The following ITPR2 variants were observed in gnomAD, a reference collection of about 807,000 sequenced individuals.
The protein encoded by ITPR2 is inositol 1,4,5-trisphosphate receptor type 2.
ITPR2 carries 207 observed loss-of-function variants against 317.1 expected under a neutral mutation model. The observed-to-expected ratio is 0.65, with a 90% CI of 0.58 to 0.73. The LOEUF (loss-of-function observed/expected upper bound fraction) is 0.73, where lower values mean the gene tolerates loss of function less well. Ranked by LOEUF, ITPR2 falls within the 30% of genes least tolerant of loss-of-function variation. The pLI is 0.00. For synonymous variants in ITPR2, 1,156 were observed against 1,149.1 expected (o/e 1.01, Z -0.12); for missense variants, 2,613 against 3,284.0 (o/e 0.80, Z 4.99).
At chr12:26,689,718 T>A (rs539367153) in intron 10 of ITPR2, among the ~76,000 whole-genome samples, 7 of 152,294 alleles carry the variant, frequency 4.6e-5, no homozygotes, top group Non-Finnish European at 1.0e-4. Context: ...AATCCTCTTT[T>A]ACAGGGCCCA....
intron 15 of ITPR2, among the ~76,000 whole-genome samples, 184 bp from the exon 16 acceptor site, chr12:26,659,469 G>T (rs1257043378): frequency 6.6e-6 from 1 of 151,968 alleles, no homozygotes; most frequent in East Asian, 1.9e-4. Context: ...AAAACATACT[G>T]GCATATACGT....
intron 37 of ITPR2, among the ~76,000 whole-genome samples, chr12:26,518,923 C>T (rs557632515): frequency 1.3e-5 from 2 of 152,078 alleles, no homozygotes; most frequent in East Asian, 1.9e-4. Context: ...TACACGTAAA[C>T]TTTTTTGAAA....
At chr12:26,714,706 G>T (rs965317908) in intron 8 of ITPR2, among the ~76,000 whole-genome samples, 1 of 152,106 alleles carries the variant, frequency 6.6e-6, no homozygotes, top group African/African-American at 2.4e-5. Context: ...CAATTCTGTA[G>T]ATCTTATCTC....
chr12:26,755,649 T>C (rs1016635285), intron 2 of ITPR2, among the ~76,000 whole-genome samples: 1 of 152,254 alleles, frequency 6.6e-6, no homozygotes, highest in Non-Finnish European at 1.5e-5. Context: ...TTTATGGCAA[T>C]ATAGTTACTT....
intron 26 of ITPR2, among the ~76,000 whole-genome samples, chr12:26,612,663 G>C (rs968923145): frequency 6.6e-6 from 1 of 152,080 alleles, no homozygotes; most frequent in African/African-American, 2.4e-5. Context: ...TACCTCACTA[G>C]TCCATGCTTT....
At chr12:26,487,594 T>C (rs1370750831) in intron 39 of ITPR2, among the ~76,000 whole-genome samples, 4 of 152,180 alleles carry the variant, frequency 2.6e-5, no homozygotes, top group African/African-American at 9.7e-5. Flanking sequence ...ATGCATTGAT[T>C]CAACATGTAT....
intron 26 of ITPR2, among the ~76,000 whole-genome samples, chr12:26,608,307 TAGAC>T (rs976417406): frequency 7.2e-5 from 11 of 152,196 alleles, no homozygotes; most frequent in Non-Finnish European, 1.6e-4. Context: ...CATCTTTGCT[TAGAC>T]AGGTATTAGG....
Position 26,622,369 on chromosome 12 carries a change from T to C in ITPR2, c.3159A>G (p.Gly1053=). The C allele has an allele frequency of 6.2e-7, 1 of 1,607,830 alleles. No individual in the cohort carries two copies. The highest frequency in any genetic ancestry group is 1.3e-5 in the African/African-American group (1 of 74,690). The part of the protein sequence containing the change: ...EKNPVQLDDE[G]GRTFLRVLIH... ...TGAGGACCCGTAAAAACGTCCTGCCTCCTTCATCGTCAAGTTGAACTGGAT... is the reference window on the plus strand; with the variant it reads ...TGAGGACCCGTAAAAACGTCCTGCCCCCTTCATCGTCAAGTTGAACTGGAT... The change falls in exon 25 of 57, where the codon GGA becomes GGG. Residue 1053 remains glycine (G), a synonymous_variant. Transcript: ENST00000381340.
At chr12:26,663,281 C>G (rs1480631374) in intron 15 of ITPR2, among the ~76,000 whole-genome samples, 3 of 152,184 alleles carry the variant, frequency 2.0e-5, no homozygotes, top group Admixed American at 6.5e-5. Context: ...TCTTTTCTCT[C>G]TGTGTCTTTT....
chr12:26,823,649 T>C (rs1361834621), intron 1 of ITPR2, among the ~76,000 whole-genome samples: 1 of 152,194 alleles, frequency 6.6e-6, no homozygotes, highest in Non-Finnish European at 1.5e-5. Context: ...TATGGACACA[T>C]TTTCAATTGT....
At chr12:26,395,270 T>A (rs1454714479) in intron 54 of ITPR2, among the ~76,000 whole-genome samples, 1 of 151,806 alleles carries the variant, frequency 6.6e-6, no homozygotes, top group East Asian at 1.9e-4. Flanking sequence ...AGAGGGAGAA[T>A]AAAAGGTCAG....
At chr12:26,418,998 C>A in intron 50 of ITPR2, 51 bp downstream of exon 50, 1 of 1,470,952 alleles carries the variant, frequency 6.8e-7, no homozygotes. Context: ...TAAGAAGCAG[C>A]AGCATTGTGT....
At chr12:26,340,859 G>C (rs1193527401) in intron 55 of ITPR2, among the ~76,000 whole-genome samples, 2 of 152,176 alleles carry the variant, frequency 1.3e-5, no homozygotes, top group African/African-American at 4.8e-5. Flanking sequence ...AAGTGGGAGG[G>C]CATGGCCTGA....
intron 26 of ITPR2, among the ~76,000 whole-genome samples, chr12:26,609,867 A>G (rs1946224722): frequency 6.6e-6 from 1 of 152,236 alleles, no homozygotes; most frequent in Non-Finnish European, 1.5e-5. Context: ...TATAAACCAA[A>G]AGTTATTTTT....
At chr12:26,784,516 T>A (rs1028441285) in intron 2 of ITPR2, among the ~76,000 whole-genome samples, 1 of 150,986 alleles carries the variant, frequency 6.6e-6, no homozygotes, top group Non-Finnish European at 1.5e-5. Context: ...GGTTTTCGGT[T>A]TTTTTTTGGT....
At chr12:26,749,873 A>T (rs1192900561) in intron 2 of ITPR2, among the ~76,000 whole-genome samples, 2 of 152,166 alleles carry the variant, frequency 1.3e-5, no homozygotes, top group Non-Finnish European at 2.9e-5. Context: ...TTTTGCTGAC[A>T]CTGTTAGAAT....
intron 2 of ITPR2, among the ~76,000 whole-genome samples, chr12:26,729,503 C>G (rs1948991640): frequency 6.6e-6 from 1 of 152,108 alleles, no homozygotes; most frequent in African/African-American, 2.4e-5. Context: ...CACATGCACA[C>G]ATACATTCAC....
At chr12:26,788,519 A>C (rs1484917127) in intron 2 of ITPR2, among the ~76,000 whole-genome samples, 1 of 152,170 alleles carries the variant, frequency 6.6e-6, no homozygotes, top group Non-Finnish European at 1.5e-5. Context: ...AGTTCACCAA[A>C]GAGTGTCTAG....
rs558837263 is a variant in ITPR2, at chr12:26,716,008, A to G, written c.624+136T>C. 1.7e-4 allele frequency: 119 copies of G among 711,548 alleles called. 2 individuals are homozygous for G. In the South Asian group the frequency reaches 2.0e-3, roughly 12 times the overall value. The allele number at this position is 711,548 out of a possible 1,614,324, so 44.1% of individuals were successfully genotyped here. On this transcript the variant is annotated intron_variant, in intron 6 of 56. Coordinates refer to ENST00000381340, the MANE Select transcript of ITPR2 (RefSeq NM_002223.4). Reference sequence around the variant, plus strand: ...AAAATAGCAATAACTAATCACAGCTATATGTACCTTAGGGATATTAATTAG... The same window carrying G: ...AAAATAGCAATAACTAATCACAGCTGTATGTACCTTAGGGATATTAATTAG...
Sources: gnomAD v4.1 joint callset for allele counts (sites outside exome capture counted in the v4.1 genomes callset) on GRCh38, gnomAD v4.1.1 for gene constraint, MANE v1.5 for transcripts, NCBI Gene and HGNC (gene_info 2026-07-23, HGNC 2026-07-21) for gene names.